Variants in RIPOR2 observed in about 807,000 individuals in gnomAD.
RIPOR2 encodes the protein rho family-interacting cell polarization regulator 2.
RIPOR2 carries 39 observed loss-of-function variants against 114.5 expected under a neutral mutation model. The ratio of observed to expected loss-of-function variants is 0.34; its 90% CI spans 0.26 to 0.44. The LOEUF (loss-of-function observed/expected upper bound fraction) is 0.44. Among genes scored for constraint, RIPOR2 ranks in the 20% least tolerant of loss-of-function variants. RIPOR2 has a pLI of 1.00. For missense variants in RIPOR2, 1,007 were observed against 1,255.1 expected, an observed-to-expected ratio of 0.80 and a Z score of 2.99; for synonymous variants, 445 against 484.4, an observed-to-expected ratio of 0.92 and a Z score of 1.07.
At chr6:24,922,746 G>C (rs1363910556) in intron 1 of RIPOR2, among the ~76,000 whole-genome samples, 2 of 150,788 alleles carry the variant, frequency 1.3e-5, no homozygotes. Context: ...TGTAGTTCCA[G>C]CTACTCCAGG....
intron 1 of RIPOR2, among the ~76,000 whole-genome samples, chr6:25,041,367 T>C (rs1032859477): frequency 1.3e-5 from 2 of 152,232 alleles, no homozygotes; most frequent in Admixed American, 6.5e-5. Context: ...AGTTGTGAGT[T>C]TGATAATTTA....
intron 1 of RIPOR2, among the ~76,000 whole-genome samples, chr6:24,943,547 C>T (rs644748): frequency 0.17 from 26,380 of 151,982 alleles, 2,450 homozygotes; most frequent in East Asian, 0.34. Context: ...GGGAAAATGG[C>T]CAGTATCGAC....
chr6:24,841,629 T>C (rs1761728586), intron 13 of RIPOR2, among the ~76,000 whole-genome samples: 1 of 151,786 alleles, frequency 6.6e-6, no homozygotes, highest in African/African-American at 2.4e-5. Context: ...TTTTTTTTTT[T>C]TTTTTTGAGA....
intron 1 of RIPOR2, among the ~76,000 whole-genome samples, chr6:24,951,598 T>C (rs1772766885): frequency 6.6e-6 from 1 of 152,226 alleles, no homozygotes; most frequent in African/African-American, 2.4e-5. Flanking sequence ...CTACTCTAGT[T>C]GTTTTTCCCA....
intron 1 of RIPOR2, among the ~76,000 whole-genome samples, chr6:24,927,634 C>A (rs952078632): frequency 1.3e-5 from 2 of 151,554 alleles, no homozygotes; most frequent in African/African-American, 4.9e-5. Context: ...CCAGTCCAAC[C>A]ACTACCGCCA....
chr6:25,029,147 G>A (rs542901624), intron 1 of RIPOR2, among the ~76,000 whole-genome samples: 1 of 152,228 alleles, frequency 6.6e-6, no homozygotes, highest in East Asian at 1.9e-4. Context: ...AATTAGCCGG[G>A]CATGGTGGCG....
chr6:25,001,655 T>A (rs1191545157), intron 1 of RIPOR2, among the ~76,000 whole-genome samples: 2 of 137,202 alleles, frequency 1.5e-5, no homozygotes, highest in Admixed American at 7.6e-5. Context: ...AATCACGGAG[T>A]AAATATTTTA....
At chr6:24,857,201 T>C (rs752696624) in intron 8 of RIPOR2, among the ~76,000 whole-genome samples, 1 of 152,238 alleles carries the variant, frequency 6.6e-6, no homozygotes, top group African/African-American at 2.4e-5. Flanking sequence ...CAGTCTGTCT[T>C]TGAGGCCTGG....
Position 24,951,697 on chromosome 6 carries a change from T to C in RIPOR2, c.77-75880A>G, listed in dbSNP as rs140515163. 2.0e-5 allele frequency among the ~76,000 whole-genome samples: 3 copies of C among 152,282 alleles called. No homozygotes were observed. The East Asian group carries it at 5.8e-4, about 29-fold the overall frequency. On this transcript the variant is annotated intron_variant, in intron 1 of 13. Coordinates refer to the RIPOR2 transcript ENST00000510784. ...AACTGGTACAAAGGAAATGTCATGG[T>C]TGGTGGGGCGGAGTTTTTAAAGGTT...
At chr6:24,833,873 C>A (rs758808836) in intron 15 of RIPOR2, among the ~76,000 whole-genome samples, 5 of 152,016 alleles carry the variant, frequency 3.3e-5, no homozygotes, top group Non-Finnish European at 7.4e-5. Flanking sequence ...GCACTAAAAG[C>A]ATGCCAATTA....
At chr6:24,954,619 C>T (rs1441767522) in intron 1 of RIPOR2, among the ~76,000 whole-genome samples, 1 of 151,902 alleles carries the variant, frequency 6.6e-6, no homozygotes, top group Non-Finnish European at 1.5e-5. Context: ...CCATGCCTGG[C>T]AAATTTTTTG....
intron 21 of RIPOR2, among the ~76,000 whole-genome samples, chr6:24,807,111 G>A (rs1416333626): frequency 6.6e-6 from 1 of 152,210 alleles, no homozygotes; most frequent in Non-Finnish European, 1.5e-5. Flanking sequence ...AAAGACAAGT[G>A]ATAAGAAGCA....
chr6:24,987,384 G>A (rs946192783), intron 1 of RIPOR2, among the ~76,000 whole-genome samples: 3 of 152,188 alleles, frequency 2.0e-5, no homozygotes, highest in African/African-American at 4.8e-5. Flanking sequence ...AGTAGAAAGA[G>A]GTTTAATGAC....
intron 7 of RIPOR2, among the ~76,000 whole-genome samples, chr6:24,863,017 G>A (rs1250018036): frequency 6.6e-6 from 1 of 151,918 alleles, no homozygotes; most frequent in African/African-American, 2.4e-5. Flanking sequence ...TAGTGGCGCC[G>A]TCTCAGCTCA....
chr6:24,990,537 T>C (rs1239380110), intron 1 of RIPOR2, among the ~76,000 whole-genome samples: 1 of 152,240 alleles, frequency 6.6e-6, no homozygotes, highest in Non-Finnish European at 1.5e-5. Flanking sequence ...CTTATGTTGA[T>C]ACGAGTGAAT....
intron 1 of RIPOR2, chr6:24,947,955 C>G (rs1344062268): frequency 6.6e-6 from 1 of 152,084 alleles, no homozygotes; most frequent in Non-Finnish European, 1.5e-5. Context: ...AATTATTTTC[C>G]TAATTAGTTC....
rs77548514 is a variant in RIPOR2, at chr6:24,964,441, G to A, written c.76+77410C>T. Among the ~76,000 whole-genome samples the A allele has an allele frequency of 1.0e-2, 1,516 of 152,216 alleles. 17 individuals are homozygous for A. Among genetic ancestry groups the A allele is most frequent in the East Asian group, 0.055 (284 of 5,188 alleles). ...TTTCCCTCAGCATGTTGACCTCAAGGTCCATTCAAGTTGCCGTGTGTATCA... is the reference window on the plus strand; with the variant it reads ...TTTCCCTCAGCATGTTGACCTCAAGATCCATTCAAGTTGCCGTGTGTATCA... On this transcript the variant is annotated intron_variant, in intron 1 of 13. Transcript: ENST00000510784.
At chr6:24,847,236 A>G (rs1762402753) in intron 12 of RIPOR2, among the ~76,000 whole-genome samples, 1 of 152,240 alleles carries the variant, frequency 6.6e-6, no homozygotes, top group South Asian at 2.1e-4. Context: ...TACAGGCGTG[A>G]GCCACCATGC....
chr6:25,040,802 A>G (rs900824477), intron 1 of RIPOR2, among the ~76,000 whole-genome samples: 3 of 152,094 alleles, frequency 2.0e-5, no homozygotes, highest in Admixed American at 6.5e-5. Context: ...CATGTTGGCC[A>G]GGGTGGTCTC....
Sources: allele counts gnomAD v4.1 joint callset (sites outside exome capture counted in the v4.1 genomes callset), GRCh38; gene constraint gnomAD v4.1.1; transcripts MANE v1.5; gene names NCBI Gene and HGNC (gene_info 2026-07-23, HGNC 2026-07-21).